The following NGEF variants were observed in gnomAD, a reference collection of about 807,000 sequenced individuals.
NGEF encodes neuronal guanine nucleotide exchange factor.
Under a neutral mutation model 80.9 loss-of-function variants are expected in NGEF, and 31 were observed. The observed-to-expected ratio is 0.38, with a 90% CI of 0.29 to 0.52. The LOEUF (loss-of-function observed/expected upper bound fraction) is 0.52. NGEF is among the 20% of genes least tolerant of loss of function. The probability of loss-of-function intolerance (pLI) is 0.84; values close to 1 mark genes in which losing one functional copy is unlikely to be tolerated. For missense variants in NGEF, 709 were observed against 926.2 expected (o/e 0.77, Z 3.04); for synonymous variants, 371 against 370.2 (o/e 1.00, Z -0.03).
At chr2:232,996,184 C>T (rs1385406149) in intron 1 of NGEF, among the ~76,000 whole-genome samples, 1 of 152,020 alleles carries the variant, frequency 6.6e-6, no homozygotes, top group African/African-American at 2.4e-5. Flanking sequence ...AAAAATTAGC[C>T]GGGTGTGGTA....
At chr2:232,904,004 C>T (rs1051584778) in intron 5 of NGEF, among the ~76,000 whole-genome samples, 1 of 152,266 alleles carries the variant, frequency 6.6e-6, no homozygotes, top group South Asian at 2.1e-4. Flanking sequence ...TGCATCGCAA[C>T]TTACAGCTGT....
intron 12 of NGEF, 97 bp from the exon 13 acceptor site, chr2:232,882,362 C>T (rs1233767350): frequency 1.9e-5 from 21 of 1,107,112 alleles, no homozygotes; most frequent in South Asian, 5.5e-5. Flanking sequence ...CTCGGATCTG[C>T]GTCCACCATC....
chr2:232,942,792 C>CAAAAAAAAA (rs35882284), intron 3 of NGEF, among the ~76,000 whole-genome samples: 3 of 120,638 alleles, frequency 2.5e-5, no homozygotes, highest in Non-Finnish European at 5.3e-5. Context: ...GACTCCGTCT[C>CAAAAAAAAA]AAAAAAAAAA....
rs1190612595 is a variant in NGEF, at chr2:232,879,420, G to GT, written c.*68_*69insA. On this transcript the variant is annotated 3_prime_UTR_variant, in exon 15 of 15. Coordinates refer to ENST00000264051, the MANE Select transcript of NGEF (RefSeq NM_019850.3). ...GAGGTGCTGGCCTGTGCTTCCCAGAGCCCCCCCCCCCCCACCTTCTGTCGG... is the reference window on the plus strand; with the variant it reads ...GAGGTGCTGGCCTGTGCTTCCCAGAGTCCCCCCCCCCCCCACCTTCTGTCGG... 1.7e-6 allele frequency: 2 copies of GT among 1,166,768 alleles called. No individual in the cohort carries two copies. Among genetic ancestry groups the GT allele is most frequent in the South Asian group, 1.6e-5 (1 of 61,262 alleles). The allele number at this position is 1,166,768 out of a possible 1,614,324, so 72.3% of individuals were successfully genotyped here. A position where few individuals can be genotyped will look rare whatever the true frequency, so the allele number is the denominator to read the frequency against.
intron 1 of NGEF, among the ~76,000 whole-genome samples, chr2:232,998,817 G>A (rs1470414540): frequency 1.3e-5 from 2 of 152,108 alleles, no homozygotes; most frequent in Non-Finnish European, 1.5e-5. Context: ...GCAGGACTCC[G>A]GGCCAGGTCT....
Position 232,943,477 on chromosome 2 carries a change from C to T in NGEF, c.384-16291G>A, listed in dbSNP as rs115556607. Among the ~76,000 whole-genome samples the T allele has an allele frequency of 5.4e-3, 815 of 151,410 alleles. 6 individuals carry two copies. The highest frequency in any genetic ancestry group is 0.02 in the African/African-American group (805 of 41,254). ...GCTGTCTCCACCGACTGTATAGTTG[C>T]CTTAAAGGTGGAATGCTCTACATTT... is the stretch of plus-strand genomic sequence containing the variant. On this transcript the variant is annotated intron_variant, in intron 3 of 14. Transcript: ENST00000264051.
intron 9 of NGEF, among the ~76,000 whole-genome samples, chr2:232,887,067 T>G (rs1691716058): frequency 6.6e-6 from 1 of 152,220 alleles, no homozygotes; most frequent in African/African-American, 2.4e-5. Flanking sequence ...CATGTCTCAA[T>G]GTGGCTGAGA....
rs900239701 is a variant in NGEF at position 232,902,864 on chromosome 2, G to A, written c.829-7948C>T. Among the ~76,000 whole-genome samples the A allele has an allele frequency of 5.3e-5, 8 of 152,242 alleles. No homozygotes were observed. In the South Asian group the frequency reaches 6.2e-4, roughly 12 times the overall value. On this transcript the variant is annotated intron_variant, in intron 5 of 14. Transcript: ENST00000264051. ...AAAAGATTAGCCAGGCATGGTGGCC[G>A]GTGTCTGTAATCCCAGCTACTTGGG...
Position 232,894,784 on chromosome 2 carries a change from C to T in NGEF, c.961G>A (p.Val321Ile), listed in dbSNP as rs569496752. The change falls in exon 6 of 15, where the codon GTC becomes ATC. Residue 321 changes from valine (V) to isoleucine (I), a missense_variant. Transcript: ENST00000264051. ...PSEAHILFSNVLDVLAVSERF... is the reference protein window; with the variant it reads ...PSEAHILFSNILDVLAVSERF... ...TCACTGACAGCCAGCACGTCCAGGA[C>T]GTTGGAGAAGAGGATGTGCGCCTCG... 6.8e-6 allele frequency: 11 copies of T among 1,608,356 alleles called. No individual in the cohort carries two copies. Among genetic ancestry groups the T allele is most frequent in the Admixed American group, 5.0e-5 (3 of 59,954 alleles).
At chr2:232,967,637 A>AT (rs1226269640) in intron 3 of NGEF, among the ~76,000 whole-genome samples, 8 of 152,048 alleles carry the variant, frequency 5.3e-5, no homozygotes, top group African/African-American at 1.7e-4. Context: ...AGCCTCGGGT[A>AT]TTTTTTTATA....
chr2:232,927,295 C>T (rs917225505), intron 3 of NGEF, 109 bp from the exon 4 acceptor site: 2 of 1,257,622 alleles, frequency 1.6e-6, no homozygotes, highest in South Asian at 1.6e-5. Flanking sequence ...CCGGACCTTA[C>T]CCGGGACCGT....
At chr2:232,963,894 T>C (rs771592440) in intron 3 of NGEF, among the ~76,000 whole-genome samples, 12 of 152,110 alleles carry the variant, frequency 7.9e-5, no homozygotes, top group Admixed American at 6.6e-4. Context: ...GTTCAAGATA[T>C]ATAGAGAACT....
Position 232,892,055 on chromosome 2 carries a change from C to T in NGEF, c.1143-568G>A, listed in dbSNP as rs1346208817. Among the ~76,000 whole-genome samples, 3 of 152,010 alleles carry T rather than the reference C, an allele frequency of 2.0e-5. No individual in the cohort carries two copies. The highest frequency in any genetic ancestry group is 4.4e-5 in the Non-Finnish European group (3 of 68,022). ...CACTCAGCCTCTGTGCTCACACGGC[C>T]TGGCGGGGGCCACAGCGGCAGGCTC... is the stretch of plus-strand genomic sequence containing the variant. On this transcript the variant is annotated intron_variant, in intron 7 of 14. Transcript: ENST00000264051. The surrounding 1 kb of genome is among the most constrained non-coding windows in gnomAD (Gnocchi z 4.0).
rs763314690 is a variant in NGEF, at chr2:232,901,543, C to T, written c.829-6627G>A. 10 of 667,572 alleles carry T rather than the reference C, an allele frequency of 1.5e-5. No individual in the cohort carries two copies. The Admixed American group carries it at 3.1e-4, about 21-fold the overall frequency. The allele number at this position is 667,572 out of a possible 1,614,324, so 41.4% of individuals were successfully genotyped here. The stretch of plus-strand genomic sequence containing the variant: ...TCACCAGGGTGACATCTGCGGGGGT[C>T]GGAGCCAAAGGCCAGCAGACCGTGG... On this transcript the variant is annotated intron_variant, in intron 5 of 14. Coordinates refer to ENST00000264051, the MANE Select transcript of NGEF (RefSeq NM_019850.3).
intron 1 of NGEF, among the ~76,000 whole-genome samples, chr2:233,009,842 G>C (rs1695166237): frequency 6.6e-6 from 1 of 152,022 alleles, no homozygotes; most frequent in Non-Finnish European, 1.5e-5. Flanking sequence ...TGGACCTCTG[G>C]GGTCCTGGCA....
At chr2:232,958,633 C>T (rs1421590275) in intron 3 of NGEF, among the ~76,000 whole-genome samples, 1 of 152,110 alleles carries the variant, frequency 6.6e-6, no homozygotes, top group African/African-American at 2.4e-5. Flanking sequence ...TTCTGCCAAC[C>T]TCCCGGAAAA....
Position 232,984,646 on chromosome 2 carries a change from C to T in NGEF, c.-74-9682G>A, listed in dbSNP as rs138738425. Reference sequence around the variant, plus strand: ...CGTGAGCTGCATGAACTGCAGCAAGCGAAGCACAAATGAGCCATCGGTGTG... The same window carrying T: ...CGTGAGCTGCATGAACTGCAGCAAGTGAAGCACAAATGAGCCATCGGTGTG... On this transcript the variant is annotated intron_variant, in intron 1 of 14. Transcript: ENST00000264051. Among the ~76,000 whole-genome samples the T allele has an allele frequency of 1.2e-3, 185 of 152,148 alleles. 1 individual carries two copies. Among genetic ancestry groups the T allele is most frequent in the Non-Finnish European group, 1.5e-3 (103 of 68,014 alleles).
chr2:233,008,903 T>G (rs1182475052), intron 1 of NGEF, among the ~76,000 whole-genome samples: 3 of 151,918 alleles, frequency 2.0e-5, no homozygotes, highest in Non-Finnish European at 4.4e-5. Flanking sequence ...CTGGTTCAAG[T>G]GATTCTCCTG....
chr2:232,900,469 C>T (rs28420353), intron 5 of NGEF, among the ~76,000 whole-genome samples: 4 of 29,338 alleles, frequency 1.4e-4, no homozygotes, highest in Admixed American at 1.4e-3. Flanking sequence ...CACATTCACT[C>T]ACACACACGC....
Sources: gnomAD v4.1 joint callset for allele counts (sites outside exome capture counted in the v4.1 genomes callset) on GRCh38, gnomAD v4.1.1 for gene constraint, Gnocchi (gnomAD v3.1) non-coding constraint, MANE v1.5 for transcripts, NCBI Gene and HGNC (gene_info 2026-07-23, HGNC 2026-07-21) for gene names.